SHISA9: variants seen among roughly 807,000 people sequenced by gnomAD.
The protein encoded by SHISA9 is shisa family member 9, also known as protein shisa-9.
SHISA9 carries 13 observed loss-of-function variants against 38.0 expected under a neutral mutation model. The observed-to-expected ratio is 0.34, with a 90% CI of 0.22 to 0.54. The LOEUF is 0.54. Ranked by LOEUF, SHISA9 falls within the 20% of genes least tolerant of loss-of-function variation. The pLI is 0.91. For synonymous variants in SHISA9, 275 were observed against 242.0 expected, an observed-to-expected ratio of 1.14 and a Z score of -1.27; for missense variants, 538 against 575.8, an observed-to-expected ratio of 0.93 and a Z score of 0.67.
At chr16:13,150,518 A>G (rs958923725) in intron 2 of SHISA9, among the ~76,000 whole-genome samples, 1 of 152,180 alleles carries the variant, frequency 6.6e-6, no homozygotes, top group African/African-American at 2.4e-5. Context: ...ACAAACTCCA[A>G]GATAGTGAGA....
chr16:13,008,506 G>T (rs1396080128), intron 2 of SHISA9, among the ~76,000 whole-genome samples: 1 of 152,082 alleles, frequency 6.6e-6, no homozygotes, highest in Non-Finnish European at 1.5e-5. Context: ...GGAGGTGATT[G>T]GATCATGGGG....
chr16:13,299,737 G>A, the SHISA9 span, among the ~76,000 whole-genome samples: 2 of 150,120 alleles, frequency 1.3e-5, no homozygotes, highest in Non-Finnish European at 3.0e-5. Flanking sequence ...AAAAAAACCC[G>A]ACAATTGGCT....
At chr16:13,072,592 A>G (rs979428317) in intron 2 of SHISA9, among the ~76,000 whole-genome samples, 1 of 151,906 alleles carries the variant, frequency 6.6e-6, no homozygotes, top group Non-Finnish European at 1.5e-5. Context: ...ATCTCATTCA[A>G]TCCTTTCAAG....
chr16:13,555,524 C>T, the SHISA9 span, among the ~76,000 whole-genome samples: 2 of 152,108 alleles, frequency 1.3e-5, no homozygotes, highest in Non-Finnish European at 2.9e-5. Context: ...AACAAGCAAT[C>T]GAATTGGTTT....
the SHISA9 span, among the ~76,000 whole-genome samples, chr16:13,540,222 C>T: frequency 3.4e-3 from 493 of 144,018 alleles, 1 homozygote; most frequent in African/African-American, 0.011. Flanking sequence ...CACACACACA[C>T]ATAAACCTCC....
chr16:13,464,124 G>A, the SHISA9 span, among the ~76,000 whole-genome samples: 1 of 152,136 alleles, frequency 6.6e-6, no homozygotes, highest in African/African-American at 2.4e-5. Flanking sequence ...TCTTTAAAAT[G>A]GGCATAATTA....
At chr16:13,145,575 T>G (rs1361250533) in intron 2 of SHISA9, among the ~76,000 whole-genome samples, 1 of 152,136 alleles carries the variant, frequency 6.6e-6, no homozygotes, top group African/African-American at 2.4e-5. Context: ...GCGTGGAAGG[T>G]GCTGACCTCA....
chr16:12,905,410 G>T (rs376292354), intron 1 of SHISA9, among the ~76,000 whole-genome samples: 2 of 152,034 alleles, frequency 1.3e-5, no homozygotes, highest in African/African-American at 4.8e-5. Flanking sequence ...GAATCAATAG[G>T]TTCTGGGTGG....
At chr16:13,265,026 G>A in the SHISA9 span, among the ~76,000 whole-genome samples, 1 of 92,644 alleles carries the variant, frequency 1.1e-5, no homozygotes, top group Non-Finnish European at 2.1e-5. Context: ...CTGTCCCTCT[G>A]CTCCCCTCTC....
chr16:13,468,951 AC>A, the SHISA9 span, among the ~76,000 whole-genome samples: 30 of 151,448 alleles, frequency 2.0e-4, no homozygotes, highest in East Asian at 5.8e-4. Context: ...AACAACAACA[AC>A]AAAAAAGAGG....
chr16:13,169,952 C>T (rs1361395007), intron 2 of SHISA9, among the ~76,000 whole-genome samples: 1 of 151,990 alleles, frequency 6.6e-6, no homozygotes, highest in East Asian at 1.9e-4. Context: ...CCTATAATCC[C>T]AGCACTTTGG....
At chr16:13,092,706 C>T (rs1181158620) in intron 2 of SHISA9, among the ~76,000 whole-genome samples, 4 of 152,210 alleles carry the variant, frequency 2.6e-5, no homozygotes, top group South Asian at 2.1e-4. Context: ...GGGAGTGTCC[C>T]GTTTTTCCAG....
intron 2 of SHISA9, among the ~76,000 whole-genome samples, chr16:12,975,676 C>T (rs1340329678): frequency 6.7e-6 from 1 of 148,794 alleles, no homozygotes; most frequent in East Asian, 2.0e-4. Context: ...AAGGGCATGT[C>T]ACTATGAATA....
At chr16:13,362,053 C>T in the SHISA9 span, among the ~76,000 whole-genome samples, 1 of 152,068 alleles carries the variant, frequency 6.6e-6, no homozygotes, top group African/African-American at 2.4e-5. Context: ...GTTTTCTCAC[C>T]TGCAAAATAT....
chr16:12,924,985 C>T (rs183182919), intron 2 of SHISA9, among the ~76,000 whole-genome samples: 16 of 152,252 alleles, frequency 1.1e-4, no homozygotes, highest in Admixed American at 9.2e-4. Context: ...TAGCATAGTG[C>T]CTGGTAACAT....
At chr16:13,474,568 A>G in the SHISA9 span, among the ~76,000 whole-genome samples, 1 of 152,208 alleles carries the variant, frequency 6.6e-6, no homozygotes, top group Admixed American at 6.5e-5. Flanking sequence ...ATTACAAGGT[A>G]CTTTCTATCC....
intron 3 of SHISA9, among the ~76,000 whole-genome samples, chr16:13,207,263 A>G (rs2051074206): frequency 6.6e-6 from 1 of 152,158 alleles, no homozygotes; most frequent in African/African-American, 2.4e-5. Flanking sequence ...CCCTGGGAAA[A>G]TAGCAGAGGG....
At chr16:13,121,377 A>T (rs2050209250) in intron 2 of SHISA9, among the ~76,000 whole-genome samples, 2 of 152,020 alleles carry the variant, frequency 1.3e-5, no homozygotes, top group African/African-American at 4.8e-5. Context: ...CTGTGGTCCC[A>T]GCTACTTGGG....
chr16:13,157,693 A>G (rs1187782686), intron 2 of SHISA9, among the ~76,000 whole-genome samples: 5 of 152,094 alleles, frequency 3.3e-5, no homozygotes, highest in Admixed American at 2.6e-4. Flanking sequence ...AGGGCAGTTC[A>G]GCATTACCCC....
Sources: allele counts gnomAD v4.1 joint callset (sites outside exome capture counted in the v4.1 genomes callset), GRCh38; gene constraint gnomAD v4.1.1; transcripts MANE v1.5; gene names NCBI Gene and HGNC (gene_info 2026-07-23, HGNC 2026-07-21).